The following SLMAP variants were observed in gnomAD, a reference collection of about 807,000 sequenced individuals.
SLMAP encodes the protein sarcolemma associated protein.
In SLMAP, 44 loss-of-function variants were observed where a neutral mutation model predicts 128.8. That is an observed-to-expected ratio of 0.34 (90% confidence interval 0.27 to 0.44). The LOEUF (loss-of-function observed/expected upper bound fraction) is 0.44. Ranked by LOEUF, SLMAP falls within the 20% of genes least tolerant of loss-of-function variation. SLMAP has a pLI of 1.00. For synonymous variants in SLMAP, 327 were observed against 348.8 expected (o/e 0.94, Z 0.70); for missense variants, 787 against 985.3 (o/e 0.80, Z 2.69).
chr3:57,910,031 GA>G (rs1470094435), intron 19 of SLMAP, among the ~76,000 whole-genome samples: 3 of 151,994 alleles, frequency 2.0e-5, no homozygotes, highest in African/African-American at 7.3e-5. Context: ...GTCACTTTCT[GA>G]GTTATGTCGT....
intron 19 of SLMAP, 81 bp downstream of exon 19, chr3:57,909,231 A>G: frequency 2.0e-6 from 2 of 995,710 alleles, no homozygotes; most frequent in Admixed American, 2.2e-5. Flanking sequence ...GGCCAGGCGC[A>G]GTGGCTCATG....
At chr3:57,862,522 C>G (rs912766128) in intron 10 of SLMAP, among the ~76,000 whole-genome samples, 3 of 151,544 alleles carry the variant, frequency 2.0e-5, no homozygotes, top group African/African-American at 7.3e-5. Context: ...CCTGTAGTCC[C>G]AGCTCCTTGG....
At chr3:57,779,694 A>T (rs1380544733) in intron 2 of SLMAP, among the ~76,000 whole-genome samples, 1 of 152,132 alleles carries the variant, frequency 6.6e-6, no homozygotes, top group Non-Finnish European at 1.5e-5. Flanking sequence ...TTTATAAATG[A>T]ATACTTATTT....
intron 6 of SLMAP, among the ~76,000 whole-genome samples, chr3:57,850,451 C>T (rs905354560): frequency 6.6e-6 from 1 of 151,988 alleles, no homozygotes; most frequent in African/African-American, 2.4e-5. Flanking sequence ...CAGGGTCTCG[C>T]TCTGTCTCTC....
At chr3:57,806,977 CA>C (rs1455122515) in intron 2 of SLMAP, among the ~76,000 whole-genome samples, 1 of 152,190 alleles carries the variant, frequency 6.6e-6, no homozygotes, top group Non-Finnish European at 1.5e-5. Context: ...TTTATATTCC[CA>C]CCAACAGTGT....
chr3:57,865,410 T>G (rs887870031), intron 13 of SLMAP, 118 bp downstream of exon 13: 1 of 447,452 alleles, frequency 2.2e-6, no homozygotes, highest in Admixed American at 3.9e-5. Flanking sequence ...TCACAGATCA[T>G]TGAACCCCAT....
At chr3:57,812,222 T>G (rs1183050662) in intron 2 of SLMAP, among the ~76,000 whole-genome samples, 1 of 152,230 alleles carries the variant, frequency 6.6e-6, no homozygotes, top group East Asian at 1.9e-4. Context: ...ATTTAGATCA[T>G]TGATCCATTT....
At chr3:57,829,127 G>T (rs1221368696) in intron 2 of SLMAP, among the ~76,000 whole-genome samples, 1 of 152,042 alleles carries the variant, frequency 6.6e-6, no homozygotes, top group Non-Finnish European at 1.5e-5. Context: ...TGTGGTTTTA[G>T]AGTTATATAG....
At position 57,865,310 on chromosome 3, in the gene SLMAP, AATATATAT is replaced by A. The variant is rs749591044; in HGVS notation, c.1237+22_1237+29del. On this transcript the variant is annotated intron_variant, in intron 13 of 24. Coordinates refer to ENST00000671191, the MANE Select transcript of SLMAP (RefSeq NM_001377540.1). ...AGAAAAAGGTAGTGTAAAAAACTTA[AATATATAT>A]ATACTTTTTATGATATCATTTTAGT... 73 of 1,068,172 alleles carry A rather than the reference AATATATAT, an allele frequency of 6.8e-5. No individual in the cohort carries two copies. In the Middle Eastern group the frequency reaches 8.0e-4, roughly 12 times the overall value. 66.2% of individuals were successfully genotyped at this position (1,068,172 alleles called of 1,614,324 possible). A position where few individuals can be genotyped will look rare whatever the true frequency, so the allele number is the denominator to read the frequency against.
rs867265015 is a variant in SLMAP, at chr3:57,906,317, T to G, written c.1502-1567T>G. ...ATTTTTTTCTTTTTTTTTCTTTTTT[T>G]TTTTTTTTTTTTTTTAGAGACACAG... On this transcript the variant is annotated intron_variant, in intron 17 of 24. Coordinates refer to ENST00000671191, the MANE Select transcript of SLMAP (RefSeq NM_001377540.1). Among the ~76,000 whole-genome samples the G allele has an allele frequency of 4.4e-3, 541 of 121,740 alleles. 15 individuals carry two copies. The highest frequency in any genetic ancestry group is 0.016 in the African/African-American group (528 of 32,046). The allele number at this position is 121,740 out of a possible 152,430, so 79.9% of individuals were successfully genotyped here.
intron 17 of SLMAP, chr3:57,897,279 C>A: frequency 2.6e-6 from 1 of 382,760 alleles, no homozygotes; most frequent in Non-Finnish European, 4.3e-6. Flanking sequence ...TTGAAAGACT[C>A]ACCGGTTTAC....
intron 19 of SLMAP, among the ~76,000 whole-genome samples, chr3:57,910,167 A>G (rs2096659993): frequency 6.6e-6 from 1 of 152,022 alleles, no homozygotes; most frequent in Non-Finnish European, 1.5e-5. Flanking sequence ...AATGCTCAGA[A>G]CACACTTGTA....
chr3:57,917,090 G>T lies in SLMAP; in HGVS notation c.2310+13G>T, dbSNP rs776442714. On this transcript the variant is annotated intron_variant, in intron 22 of 24. Transcript: ENST00000671191. ...TGTGCAGAAAGAGGTAAAGCGAAAA[G>T]ACATTATGAGCCCAATTATGGTTGG... 3 of 1,613,562 alleles carry T rather than the reference G, an allele frequency of 1.9e-6. No individual in the cohort carries two copies. Among genetic ancestry groups the T allele is most frequent in the Non-Finnish European group, 2.5e-6 (3 of 1,179,726 alleles).
At chr3:57,848,352 C>T (rs1054240104) in intron 5 of SLMAP, among the ~76,000 whole-genome samples, 1 of 149,754 alleles carries the variant, frequency 6.7e-6, no homozygotes, top group African/African-American at 2.5e-5. Context: ...CTTCCTTTTA[C>T]TTTCTTCTTT....
chr3:57,818,346 G>A (rs891135246), intron 2 of SLMAP, among the ~76,000 whole-genome samples: 4 of 152,086 alleles, frequency 2.6e-5, no homozygotes, highest in Non-Finnish European at 5.9e-5. Context: ...GTAGAGACAG[G>A]GTTTCTCCAT....
chr3:57,839,682 C>T (rs7618558), intron 3 of SLMAP, among the ~76,000 whole-genome samples: 46,794 of 151,752 alleles, frequency 0.31, 7,547 homozygotes, highest in East Asian at 0.47. Context: ...TGGCTCACTG[C>T]AACCTCTGCC....
chr3:57,896,810 A>G lies in SLMAP; in HGVS notation c.1442-63A>G, dbSNP rs147621104. The G allele has an allele frequency of 3.3e-4, 504 of 1,515,180 alleles. 1 individual carries two copies. In the African/African-American group the frequency reaches 6.1e-3, roughly 18 times the overall value. 93.9% of individuals were successfully genotyped at this position (1,515,180 alleles called of 1,614,324 possible). On this transcript the variant is annotated intron_variant, in intron 16 of 24. Coordinates refer to ENST00000671191, the MANE Select transcript of SLMAP (RefSeq NM_001377540.1). ...ATTCCAATTGTTTGTTTTGATAACAATAGCTTGCTGATAGATCTGAATACT... is the reference window on the plus strand; with the variant it reads ...ATTCCAATTGTTTGTTTTGATAACAGTAGCTTGCTGATAGATCTGAATACT...
chr3:57,860,610 AAAGTATATCATAATGTGTTAATTTT>A (rs2095003192), intron 8 of SLMAP, 64 bp from the exon 9 acceptor site: 1 of 972,014 alleles, frequency 1.0e-6, no homozygotes, highest in Non-Finnish European at 1.5e-6. Flanking sequence ...TATATAATTT[AAAGTATATCATAATGTGTTAATTTT>A]TTTCAAACAA....
intron 14 of SLMAP, among the ~76,000 whole-genome samples, chr3:57,873,275 G>A (rs1203739249): frequency 1.3e-5 from 2 of 152,146 alleles, no homozygotes; most frequent in East Asian, 3.9e-4. Flanking sequence ...GGCCGAGGTG[G>A]GTGGATCACC....
Sources: allele counts gnomAD v4.1 joint callset (sites outside exome capture counted in the v4.1 genomes callset), GRCh38; gene constraint gnomAD v4.1.1; transcripts MANE v1.5; gene names NCBI Gene and HGNC (gene_info 2026-07-23, HGNC 2026-07-21).